Variants in PRKCH observed in about 807,000 individuals in gnomAD.
PRKCH encodes the protein protein kinase C eta type.
PRKCH carries 28 observed loss-of-function variants against 82.5 expected under a neutral mutation model. That is an observed-to-expected ratio of 0.34 (90% CI 0.25 to 0.47). The LOEUF (loss-of-function observed/expected upper bound fraction) is 0.47, where lower values mean the gene tolerates loss of function less well. PRKCH is among the 20% of genes least tolerant of loss of function. PRKCH has a pLI of 1.00. For missense variants in PRKCH, 705 were observed against 881.8 expected (o/e 0.80, Z 2.54); for synonymous variants, 322 against 327.4 (o/e 0.98, Z 0.18).
chr14:61,404,296 T>C (rs10145079), intron 2 of PRKCH, among the ~76,000 whole-genome samples: 2,924 of 152,342 alleles, frequency 0.019, 71 homozygotes, highest in African/African-American at 0.066. Flanking sequence ...TCTTTGTATA[T>C]GTAAGAGACC....
intron 2 of PRKCH, among the ~76,000 whole-genome samples, chr14:61,416,685 C>A (rs1882577253): frequency 6.6e-6 from 1 of 152,004 alleles, no homozygotes; most frequent in Admixed American, 6.6e-5. Context: ...TCTCTCCTGT[C>A]CCTTTCCCCC....
chr14:61,366,973 T>C (rs1432168486), intron 1 of PRKCH, among the ~76,000 whole-genome samples: 1 of 152,108 alleles, frequency 6.6e-6, no homozygotes, highest in Non-Finnish European at 1.5e-5. Context: ...GCACTAAACA[T>C]GAGATTTCTA....
At chr14:61,509,665 A>G (rs147055748) in intron 10 of PRKCH, among the ~76,000 whole-genome samples, 46 of 152,288 alleles carry the variant, frequency 3.0e-4, no homozygotes, top group African/African-American at 1.0e-3. Context: ...TGGGCAGATC[A>G]CTTGAGGTCA....
chr14:61,483,913 C>T (rs1370318983), intron 9 of PRKCH, among the ~76,000 whole-genome samples: 7 of 152,060 alleles, frequency 4.6e-5, no homozygotes, highest in Admixed American at 1.3e-4. Context: ...TGGTGGCGCA[C>T]GCCTGTAGTC....
At position 61,321,787 on chromosome 14, in the gene PRKCH, G is replaced by T. The variant is rs932930474; in HGVS notation, c.-315G>T. Reference sequence around the variant, plus strand: ...GCTCTCCAGGGAGAGGAGCTGCCCGGCCCTGGAGAAGGGGCGAGTCCTGCG... The same window carrying T: ...GCTCTCCAGGGAGAGGAGCTGCCCGTCCCTGGAGAAGGGGCGAGTCCTGCG... On this transcript the variant is annotated 5_prime_UTR_variant, in exon 1 of 14. Coordinates refer to ENST00000332981, the MANE Select transcript of PRKCH (RefSeq NM_006255.5). This position sits in a 1 kb window ranked among gnomAD's most constrained non-coding sequence, Gnocchi z 4.1. 3.1e-5 allele frequency: 8 copies of T among 256,964 alleles called. No individual in the cohort carries two copies. Among genetic ancestry groups the T allele is most frequent in the Non-Finnish European group, 4.5e-5 (6 of 132,304 alleles). The allele number at this position is 256,964 out of a possible 1,614,324, so 15.9% of individuals were successfully genotyped here. A position where few individuals can be genotyped will look rare whatever the true frequency, so the allele number is the denominator to read the frequency against.
chr14:61,397,728 A>C (rs2046807344), intron 2 of PRKCH, among the ~76,000 whole-genome samples: 2 of 152,234 alleles, frequency 1.3e-5, no homozygotes, highest in Admixed American at 6.5e-5. Context: ...TTTGATAATG[A>C]AGTTAGAAGA....
At chr14:61,425,061 G>A (rs1883040480) in intron 2 of PRKCH, among the ~76,000 whole-genome samples, 2 of 152,230 alleles carry the variant, frequency 1.3e-5, no homozygotes, top group South Asian at 4.1e-4. Flanking sequence ...GAGGATGTAT[G>A]GAAATACCTG....
intron 1 of PRKCH, among the ~76,000 whole-genome samples, chr14:61,248,010 T>C (rs1481921156): frequency 6.6e-6 from 1 of 152,168 alleles, no homozygotes; most frequent in Non-Finnish European, 1.5e-5. Context: ...CCAGTGTCAT[T>C]TCACAGTGGT....
chr14:61,396,975 A>G (rs935750326), intron 2 of PRKCH, among the ~76,000 whole-genome samples: 1 of 152,196 alleles, frequency 6.6e-6, no homozygotes, highest in East Asian at 1.9e-4. Context: ...AGAAATGATA[A>G]GATACCAGTG....
intron 1 of PRKCH, among the ~76,000 whole-genome samples, chr14:61,285,779 G>A (rs1288339367): frequency 6.6e-6 from 1 of 152,196 alleles, no homozygotes; most frequent in Non-Finnish European, 1.5e-5. Flanking sequence ...GATTCAAAGG[G>A]CAGCTTAATT....
intron 8 of PRKCH, 73 bp downstream of exon 8, chr14:61,457,392 C>A (rs189138909): frequency 1.3e-6 from 2 of 1,588,176 alleles, no homozygotes; most frequent in African/African-American, 1.3e-5. Context: ...TGTGTGTGCA[C>A]GCATGCGCAC....
At chr14:61,395,563 G>A (rs1314939720) in intron 2 of PRKCH, among the ~76,000 whole-genome samples, 1 of 152,132 alleles carries the variant, frequency 6.6e-6, no homozygotes, top group Non-Finnish European at 1.5e-5. Context: ...TCAAAGCTCA[G>A]GAAATGTTGG....
At chr14:61,319,270 C>G (rs1354170205), upstream of PRKCH, among the ~76,000 whole-genome samples, 1 of 152,224 alleles carries the variant, frequency 6.6e-6, no homozygotes, top group Non-Finnish European at 1.5e-5. Context: ...GCTGATCTCT[C>G]TGCTATTTGC....
chr14:61,493,723 G>C (rs954927744), intron 10 of PRKCH, among the ~76,000 whole-genome samples: 3 of 151,952 alleles, frequency 2.0e-5, no homozygotes, highest in Admixed American at 6.6e-5. Context: ...CGTGCGGGTG[G>C]GGGGCATGGC....
At chr14:61,393,447 G>A (rs772906151) in intron 2 of PRKCH, among the ~76,000 whole-genome samples, 12 of 152,318 alleles carry the variant, frequency 7.9e-5, no homozygotes, top group South Asian at 2.1e-4. Context: ...GTCTTTGCTC[G>A]TAAGGCATAG....
At chr14:61,386,767 C>T (rs947242483) in intron 1 of PRKCH, among the ~76,000 whole-genome samples, 11 of 152,122 alleles carry the variant, frequency 7.2e-5, no homozygotes, top group Admixed American at 2.6e-4. Flanking sequence ...GGGAGGCAGA[C>T]GGCAGGGGAT....
chr14:61,371,306 G>A (rs916145637), intron 1 of PRKCH, among the ~76,000 whole-genome samples: 5 of 151,930 alleles, frequency 3.3e-5, no homozygotes, highest in African/African-American at 1.2e-4. Flanking sequence ...AATCAATAAT[G>A]ATACATTATT....
chr14:61,410,280 T>C (rs1882196625), intron 2 of PRKCH, among the ~76,000 whole-genome samples: 1 of 152,246 alleles, frequency 6.6e-6, no homozygotes, highest in African/African-American at 2.4e-5. Flanking sequence ...TGATTATTAA[T>C]TAAAATATCT....
chr14:61,264,154 T>C (rs1325815911), intron 1 of PRKCH, among the ~76,000 whole-genome samples: 2 of 152,110 alleles, frequency 1.3e-5, no homozygotes, highest in Non-Finnish European at 2.9e-5. Context: ...CTTCCTGGAG[T>C]GCCTGCTGCT....
Sources: allele counts gnomAD v4.1 joint callset (sites outside exome capture counted in the v4.1 genomes callset), GRCh38; gene constraint gnomAD v4.1.1; non-coding constraint Gnocchi (gnomAD v3.1); transcripts MANE v1.5; gene names NCBI Gene and HGNC (gene_info 2026-07-23, HGNC 2026-07-21).